The following TBC1D22A variants were observed in gnomAD, a reference collection of about 807,000 sequenced individuals.
The protein encoded by TBC1D22A is putative GTPase activator.
TBC1D22A carries 38 observed loss-of-function variants against 60.2 expected under a neutral mutation model. The ratio of observed to expected loss-of-function variants is 0.63; its 90% CI spans 0.49 to 0.83. TBC1D22A has a LOEUF of 0.83. TBC1D22A is among the 40% of genes least tolerant of loss of function. The probability of loss-of-function intolerance (pLI) is 0.00; values close to 1 mark genes in which losing one functional copy is unlikely to be tolerated. For synonymous variants in TBC1D22A, 302 were observed against 281.7 expected, an observed-to-expected ratio of 1.07 and a Z score of -0.72; for missense variants, 628 against 701.0, an observed-to-expected ratio of 0.90 and a Z score of 1.18.
chr22:47,099,832 G>C (rs2065339009), intron 11 of TBC1D22A, among the ~76,000 whole-genome samples: 1 of 152,138 alleles, frequency 6.6e-6, no homozygotes, highest in Admixed American at 6.5e-5. Context: ...CACCCTCCAG[G>C]GTGCCTCACA....
intron 4 of TBC1D22A, among the ~76,000 whole-genome samples, chr22:46,830,256 C>A (rs2086253896): frequency 6.6e-6 from 1 of 152,194 alleles, no homozygotes; most frequent in Non-Finnish European, 1.5e-5. Flanking sequence ...CTTGTGGTTG[C>A]CAGGCCTGAG....
At chr22:46,882,611 G>A (rs1015948984) in intron 5 of TBC1D22A, among the ~76,000 whole-genome samples, 2 of 152,186 alleles carry the variant, frequency 1.3e-5, no homozygotes, top group Admixed American at 6.5e-5. Context: ...GAGAGGCTGA[G>A]TGAGACTCGC....
In TBC1D22A at chr22:46,847,918, G is replaced by GGTGTGTGT. The variant is rs58012028; in HGVS notation, c.638-30705_638-30698dup. Among the ~76,000 whole-genome samples, 274 of 134,204 alleles carry GGTGTGTGT rather than the reference G, an allele frequency of 2.0e-3. 4 individuals carry two copies. The highest frequency in any genetic ancestry group is 8.1e-3 in the African/African-American group (251 of 30,994). 88.0% of individuals were successfully genotyped at this position (134,204 alleles called of 152,430 possible). On this transcript the variant is annotated intron_variant, in intron 4 of 12. Coordinates refer to ENST00000337137, the MANE Select transcript of TBC1D22A (RefSeq NM_014346.5). The stretch of plus-strand genomic sequence containing the variant: ...GAGAAATAGTCAAGGTACCCTAGTG[G>GGTGTGTGT]GTGTGTGTGTGTGTGTGTGTGTGTG...
At chr22:46,774,707 C>T (rs758697870) in intron 1 of TBC1D22A, among the ~76,000 whole-genome samples, 46 of 152,206 alleles carry the variant, frequency 3.0e-4, no homozygotes, top group Non-Finnish European at 1.3e-4. Flanking sequence ...CCTTCAGGCC[C>T]ATCCAAGGCA....
In TBC1D22A at chr22:46,767,028, A is replaced by G. The variant is rs189286221; in HGVS notation, c.62+4180A>G. On this transcript the variant is annotated intron_variant, in intron 1 of 12. Coordinates refer to ENST00000337137, the MANE Select transcript of TBC1D22A (RefSeq NM_014346.5). ...CGATACCTGGTGTTTATTCCGAACT[A>G]TCTCCTCGATTAGCCTGGAGAGTGA... 5.5e-4 allele frequency among the ~76,000 whole-genome samples: 83 copies of G among 152,274 alleles called. 1 individual carries two copies. Among genetic ancestry groups the G allele is most frequent in the African/African-American group, 1.8e-3 (76 of 41,548 alleles).
At chr22:46,962,633 A>G (rs2073569824) in intron 8 of TBC1D22A, among the ~76,000 whole-genome samples, 1 of 151,238 alleles carries the variant, frequency 6.6e-6, no homozygotes, top group East Asian at 1.9e-4. Context: ...GGCTGTGTAG[A>G]CGAGGGGATT....
In TBC1D22A at chr22:46,793,560, C is replaced by T; in HGVS notation, c.179C>T (p.Thr60Ile). 1 of 1,614,132 alleles carries T rather than the reference C, an allele frequency of 6.2e-7. No individual in the cohort carries two copies. The highest frequency in any genetic ancestry group is 8.5e-7 in the Non-Finnish European group (1 of 1,180,050). Reference sequence around the variant, plus strand: ...CCAGTGAAGGCCAAGAGGGTCAGCACCTTCCAGGAGTTTGAGAGCAATACC... The same window carrying T: ...CCAGTGAAGGCCAAGAGGGTCAGCATCTTCCAGGAGTTTGAGAGCAATACC... ...TTPVKAKRVS[T>I]FQEFESNTSD... Residue 60 changes from threonine (T) to isoleucine (I), a missense_variant, in exon 3 of 13, where the codon ACC (threonine) becomes ATC (isoleucine). Transcript: ENST00000337137.
At chr22:47,072,700 C>T (rs976704766) in intron 11 of TBC1D22A, among the ~76,000 whole-genome samples, 2 of 152,244 alleles carry the variant, frequency 1.3e-5, no homozygotes, top group African/African-American at 4.8e-5. Flanking sequence ...ATGTGGTGAG[C>T]ACATGGCACC....
chr22:46,904,134 T>TCTGCCTACCTACCTAC (rs1422224513), intron 7 of TBC1D22A, among the ~76,000 whole-genome samples: 14 of 66,582 alleles, frequency 2.1e-4, no homozygotes, highest in Middle Eastern at 6.8e-3. Flanking sequence ...TATCTATCTA[T>TCTGCCTACCTACCTAC]CTATCTATCT....
chr22:46,908,070 AG>A (rs1317794278), intron 7 of TBC1D22A, among the ~76,000 whole-genome samples: 1 of 152,198 alleles, frequency 6.6e-6, no homozygotes, highest in Non-Finnish European at 1.5e-5. Context: ...TTGTCTCGTC[AG>A]GGTCTTGGAA....
At chr22:47,059,390 C>T (rs897639890) in intron 11 of TBC1D22A, among the ~76,000 whole-genome samples, 2 of 152,232 alleles carry the variant, frequency 1.3e-5, no homozygotes, top group Non-Finnish European at 2.9e-5. Context: ...CTCACACCAG[C>T]GCCCACTCTC....
intron 11 of TBC1D22A, among the ~76,000 whole-genome samples, chr22:47,062,161 G>A (rs569759177): frequency 6.6e-6 from 1 of 151,060 alleles, no homozygotes; most frequent in African/African-American, 2.4e-5. Context: ...CAGTCAGAAC[G>A]CGGATTGTTT....
intron 7 of TBC1D22A, among the ~76,000 whole-genome samples, chr22:46,903,403 G>A (rs574393658): frequency 4.6e-5 from 7 of 152,204 alleles, no homozygotes; most frequent in South Asian, 2.1e-4. Context: ...TGGCTGCTCC[G>A]GCTGGCTAGG....
At chr22:47,084,596 T>G (rs2147581888) in intron 11 of TBC1D22A, among the ~76,000 whole-genome samples, 1 of 152,304 alleles carries the variant, frequency 6.6e-6, no homozygotes, top group South Asian at 2.1e-4. Flanking sequence ...GTCCTGATTT[T>G]TAATAGCAAG....
intron 8 of TBC1D22A, among the ~76,000 whole-genome samples, chr22:46,958,667 G>A (rs1266906490): frequency 1.3e-5 from 2 of 152,206 alleles, no homozygotes; most frequent in Non-Finnish European, 1.5e-5. Context: ...GCCCAGCGTC[G>A]GGACTTTTCC....
chr22:46,997,891 G>T (rs962326227), intron 10 of TBC1D22A, among the ~76,000 whole-genome samples, 182 bp downstream of exon 10: 2 of 152,146 alleles, frequency 1.3e-5, no homozygotes, highest in African/African-American at 4.8e-5. Flanking sequence ...TTATTAAGGG[G>T]ATATCATCAG....
intron 12 of TBC1D22A, among the ~76,000 whole-genome samples, chr22:47,151,920 C>A (rs1395936512): frequency 1.3e-5 from 2 of 152,176 alleles, no homozygotes; most frequent in African/African-American, 4.8e-5. Context: ...AGCAATGTCA[C>A]CTCTGGGGTC....
At chr22:47,149,453 G>A (rs949356385) in intron 12 of TBC1D22A, among the ~76,000 whole-genome samples, 12 of 152,378 alleles carry the variant, frequency 7.9e-5, no homozygotes, top group Admixed American at 2.0e-4. Context: ...AAGCTCTCCC[G>A]TGTATACAGC....
At chr22:47,020,503 T>C (rs938694808) in intron 10 of TBC1D22A, among the ~76,000 whole-genome samples, 1 of 142,270 alleles carries the variant, frequency 7.0e-6, no homozygotes, top group Non-Finnish European at 1.5e-5. Flanking sequence ...TCCTTCTCCA[T>C]TTAAAACAAG....
Sources: gnomAD v4.1 joint callset for allele counts (sites outside exome capture counted in the v4.1 genomes callset) on GRCh38, gnomAD v4.1.1 for gene constraint, MANE v1.5 for transcripts, NCBI Gene and HGNC (gene_info 2026-07-23, HGNC 2026-07-21) for gene names.